Variants in MGAT5 observed in about 807,000 individuals in gnomAD.
MGAT5 encodes the protein alpha-1,6-mannosylglycoprotein 6-beta-N-acetylglucosaminyltransferase, also known as alpha-1,6-mannosylglycoprotein 6-beta-N-acetylglucosaminyltransferase A.
MGAT5 carries 30 observed loss-of-function variants against 94.3 expected under a neutral mutation model. The ratio of observed to expected loss-of-function variants is 0.32; its 90% confidence interval spans 0.24 to 0.43. The LOEUF is 0.43. MGAT5 is among the 20% of genes least tolerant of loss of function. MGAT5 has a pLI of 1.00. For missense variants in MGAT5, 691 were observed against 905.5 expected (o/e 0.76, Z 3.04); for synonymous variants, 310 against 322.9 (o/e 0.96, Z 0.43).
Position 134,345,150 on chromosome 2 carries a change from A to G in MGAT5, c.1112+86A>G, listed in dbSNP as rs188709484. ...TGGTTGTGGGTAGAAAAAGCTTATC[A>G]AATAGTATCTTTTCAGCTGTATGGA... On this transcript the variant is annotated intron_variant, in intron 8 of 15. Transcript: ENST00000281923. 1,005 of 1,405,090 alleles carry G rather than the reference A, an allele frequency of 7.2e-4. 11 individuals are homozygous for G. In the East Asian group the frequency reaches 0.022, roughly 31 times the overall value. 87.0% of individuals were successfully genotyped at this position (1,405,090 alleles called of 1,614,324 possible).
chr2:134,286,456 G>C (rs991503133), intron 2 of MGAT5, among the ~76,000 whole-genome samples: 1 of 151,814 alleles, frequency 6.6e-6, no homozygotes, highest in Non-Finnish European at 1.5e-5. Context: ...TTTTAAGATG[G>C]AGTCTCGCTC....
chr2:134,315,576 A>G (rs1686951836), intron 2 of MGAT5, among the ~76,000 whole-genome samples: 1 of 152,218 alleles, frequency 6.6e-6, no homozygotes, highest in East Asian at 1.9e-4. Flanking sequence ...TGCATTTGAA[A>G]TGCTGCTTTC....
At chr2:134,422,003 A>G (rs1239716654) in intron 12 of MGAT5, among the ~76,000 whole-genome samples, 2 of 144,528 alleles carry the variant, frequency 1.4e-5, no homozygotes, top group East Asian at 2.2e-4. Context: ...CCGTGTGTAT[A>G]CAAAAAAAAA....
chr2:134,335,259 A>G (rs767954131), intron 4 of MGAT5, among the ~76,000 whole-genome samples: 78 of 152,036 alleles, frequency 5.1e-4, no homozygotes, highest in Non-Finnish European at 7.9e-4. Flanking sequence ...CCCTCACTCT[A>G]TTGCTCATTA....
At chr2:134,314,939 G>A (rs1686912674) in intron 2 of MGAT5, among the ~76,000 whole-genome samples, 1 of 152,134 alleles carries the variant, frequency 6.6e-6, no homozygotes, top group African/African-American at 2.4e-5. Flanking sequence ...TGTTATCTGT[G>A]GCTGCTTTTT....
intron 1 of MGAT5, among the ~76,000 whole-genome samples, chr2:134,235,827 G>A (rs1681612118): frequency 6.6e-6 from 1 of 151,658 alleles, no homozygotes; most frequent in African/African-American, 2.4e-5. Flanking sequence ...GTGTATTTGA[G>A]GCAAGGGATA....
chr2:134,418,014 T>A (rs1302120293), intron 12 of MGAT5, among the ~76,000 whole-genome samples: 1 of 152,084 alleles, frequency 6.6e-6, no homozygotes, highest in African/African-American at 2.4e-5. Flanking sequence ...GAGATTAAGT[T>A]GGCAACTGAC....
intron 4 of MGAT5, among the ~76,000 whole-genome samples, chr2:134,323,510 A>T (rs1687451236): frequency 6.6e-6 from 1 of 152,118 alleles, no homozygotes. Context: ...AGAGTAATGG[A>T]GAGCCAAGTC....
chr2:134,219,150 C>T (rs1680634032), intron 1 of MGAT5, among the ~76,000 whole-genome samples: 1 of 152,144 alleles, frequency 6.6e-6, no homozygotes, highest in Non-Finnish European at 1.5e-5. Context: ...AGCGAGCCAC[C>T]TGTCGGGGTG....
chr2:134,281,794 T>G (rs181205316), intron 2 of MGAT5, among the ~76,000 whole-genome samples: 25 of 152,356 alleles, frequency 1.6e-4, no homozygotes, highest in Admixed American at 1.2e-3. Context: ...AAACTCTATG[T>G]TAATAGAACC....
chr2:134,423,384 TC>T (rs1684405749), intron 13 of MGAT5, among the ~76,000 whole-genome samples: 1 of 152,222 alleles, frequency 6.6e-6, no homozygotes, highest in South Asian at 2.1e-4. Context: ...CCTCTTCTGA[TC>T]AATTCAACAG....
chr2:134,445,095 C>T (rs561511915), intron 15 of MGAT5, among the ~76,000 whole-genome samples: 1 of 152,262 alleles, frequency 6.6e-6, no homozygotes, highest in African/African-American at 2.4e-5. Flanking sequence ...AAATTATTGG[C>T]AACTGGGGTT....
rs1348372458 is a variant in MGAT5 at position 134,378,796 on chromosome 2, A to G, written c.1380+16388A>G. ...ATACCCAGCTAATTTTTGTATTTTT[A>G]ATAGAGATGGGGTTTTGCCATGTTG... is the stretch of plus-strand genomic sequence containing the variant. On this transcript the variant is annotated intron_variant, in intron 10 of 15. Coordinates refer to ENST00000281923, the MANE Select transcript of MGAT5 (RefSeq NM_002410.5). Among the ~76,000 whole-genome samples the G allele has an allele frequency of 2.6e-5, 4 of 151,828 alleles. No individual in the cohort carries two copies. In the East Asian group the frequency reaches 7.7e-4, roughly 29 times the overall value.
chr2:134,258,033 G>T (rs1319742125), intron 1 of MGAT5, among the ~76,000 whole-genome samples: 1 of 151,830 alleles, frequency 6.6e-6, no homozygotes, highest in Non-Finnish European at 1.5e-5. Flanking sequence ...AGGATAAATG[G>T]GTATACAGTA....
chr2:134,246,122 A>G (rs2105467438), intron 1 of MGAT5, among the ~76,000 whole-genome samples: 1 of 151,734 alleles, frequency 6.6e-6, no homozygotes, highest in East Asian at 1.9e-4. Flanking sequence ...AGCCACTTCC[A>G]AAGGGAACAG....
intron 2 of MGAT5, among the ~76,000 whole-genome samples, chr2:134,283,832 G>A (rs929587264): frequency 5.9e-5 from 9 of 151,716 alleles, no homozygotes; most frequent in Non-Finnish European, 1.0e-4. Flanking sequence ...CCCGGCCGCT[G>A]GGTTCTCTTT....
At position 134,428,402 on chromosome 2, in the gene MGAT5, G is replaced by A; in HGVS notation, c.1832G>A (p.Gly611Glu). The change falls in exon 14 of 16, where the codon GGG becomes GAG. Residue 611 changes from glycine to glutamate, a missense_variant. By Grantham distance (98) the Gly-to-Glu change is moderately conservative. This residue lies in a region of MGAT5 where 260 missense variants were observed against 347.0 expected (regional missense o/e 0.75). Coordinates refer to ENST00000281923, the MANE Select transcript of MGAT5 (RefSeq NM_002410.5). ...ATGCCATATGAATTTACGTGCGAGGGGATGCTACAGAGAATCAATGCTTTC... is the reference window on the plus strand; with the variant it reads ...ATGCCATATGAATTTACGTGCGAGGAGATGCTACAGAGAATCAATGCTTTC... ...PYMPYEFTCE[G>E]MLQRINAFIE... 6.2e-7 allele frequency: 1 copy of A among 1,614,092 alleles called. No homozygotes were observed. The highest frequency in any genetic ancestry group is 8.5e-7 in the Non-Finnish European group (1 of 1,180,010).
rs111599455 is a variant in MGAT5 at position 134,270,190 on chromosome 2, C to T, written c.242-196C>T. ...TACTTATTGCCAGACTTGCATTCCA[C>T]GACAGACTGATGTATTTAGTAGGAT... On this transcript the variant is annotated intron_variant, in intron 1 of 15. Transcript: ENST00000281923. Among the ~76,000 whole-genome samples the T allele has an allele frequency of 5.3e-3, 807 of 152,318 alleles. 10 individuals carry two copies. Among genetic ancestry groups the T allele is most frequent in the African/African-American group, 0.019 (771 of 41,560 alleles).
intron 1 of MGAT5, among the ~76,000 whole-genome samples, chr2:134,158,603 A>G (rs1038322819): frequency 6.6e-6 from 1 of 152,102 alleles, no homozygotes; most frequent in Non-Finnish European, 1.5e-5. Flanking sequence ...GTCCACAGCC[A>G]TGGCTGGGTG....
Sources: allele counts gnomAD v4.1 joint callset (sites outside exome capture counted in the v4.1 genomes callset), GRCh38; gene constraint gnomAD v4.1.1; regional missense constraint gnomAD v4.1.1; transcripts MANE v1.5; gene names NCBI Gene and HGNC (gene_info 2026-07-23, HGNC 2026-07-21).